The following STARD13 variants were observed in gnomAD, a reference collection of about 807,000 sequenced individuals.
STARD13 encodes stAR-related lipid transfer protein 13.
A neutral mutation model predicts 106.4 loss-of-function variants in STARD13; 62 were observed. The ratio of observed to expected loss-of-function variants is 0.58; its 90% CI spans 0.48 to 0.72. STARD13 has a LOEUF of 0.72. Among genes scored for constraint, STARD13 ranks in the 30% least tolerant of loss-of-function variants. The probability of loss-of-function intolerance (pLI) is 0.00; values close to 1 mark genes in which losing one functional copy is unlikely to be tolerated. For missense variants in STARD13, 1,387 were observed against 1,424.0 expected, an observed-to-expected ratio of 0.97 and a Z score of 0.42; for synonymous variants, 565 against 553.0, an observed-to-expected ratio of 1.02 and a Z score of -0.31.
chr13:33,316,721 T>A (rs1893354323), intron 1 of STARD13, among the ~76,000 whole-genome samples: 1 of 152,198 alleles, frequency 6.6e-6, no homozygotes, highest in African/African-American at 2.4e-5. Flanking sequence ...CTTGAGCATG[T>A]ACTACAGCAC....
At chr13:33,242,381 G>A (rs1014547009) in intron 1 of STARD13, among the ~76,000 whole-genome samples, 10 of 152,194 alleles carry the variant, frequency 6.6e-5, no homozygotes, top group African/African-American at 1.9e-4. Context: ...GTAGACATAG[G>A]AGACTCCATT....
chr13:33,159,444 T>A lies in STARD13; in HGVS notation c.323+5893A>T, dbSNP rs533136491. 2.1e-3 allele frequency among the ~76,000 whole-genome samples: 325 copies of A among 152,358 alleles called. 2 individuals carry two copies. The highest frequency in any genetic ancestry group is 6.8e-3 in the African/African-American group (282 of 41,592). Reference sequence around the variant, plus strand: ...AGTGGATAAGGATTCAACACCCACATGTTTGAGAGTCAAAGCTTGGCCCGC... The same window carrying A: ...AGTGGATAAGGATTCAACACCCACAAGTTTGAGAGTCAAAGCTTGGCCCGC... On this transcript the variant is annotated intron_variant, in intron 3 of 13. Transcript: ENST00000336934.
chr13:33,255,101 C>CA (rs1186233579), intron 1 of STARD13, among the ~76,000 whole-genome samples: 1 of 143,264 alleles, frequency 7.0e-6, no homozygotes, highest in Non-Finnish European at 1.6e-5. Context: ...TGTGTGCTCC[C>CA]CCCCCCCTCA....
chr13:33,605,647 G>T, the STARD13 span, among the ~76,000 whole-genome samples: 2 of 152,084 alleles, frequency 1.3e-5, no homozygotes, highest in Middle Eastern at 3.2e-3. Flanking sequence ...GAATAGCGCT[G>T]TTCTAGGAAA....
intron 1 of STARD13, among the ~76,000 whole-genome samples, chr13:33,210,519 G>T (rs148327642): frequency 3.9e-5 from 6 of 152,146 alleles, no homozygotes; most frequent in African/African-American, 1.4e-4. Flanking sequence ...GATTTAGTGC[G>T]TTAATGTACA....
chr13:33,584,814 G>A, the STARD13 span, among the ~76,000 whole-genome samples: 11 of 151,738 alleles, frequency 7.2e-5, 1 homozygote, highest in Admixed American at 7.2e-4. Flanking sequence ...CCTTGGTGCT[G>A]TCCTCATGAT....
At chr13:33,291,487 T>G (rs193267582) in intron 1 of STARD13, among the ~76,000 whole-genome samples, 1 of 152,312 alleles carries the variant, frequency 6.6e-6, no homozygotes, top group African/African-American at 2.4e-5. Flanking sequence ...GTACACTGTG[T>G]GCATATTTCC....
the STARD13 span, among the ~76,000 whole-genome samples, chr13:33,522,516 A>C: frequency 2.0e-5 from 3 of 152,122 alleles, no homozygotes; most frequent in African/African-American, 4.8e-5. Flanking sequence ...TCATTCCCCC[A>C]AAAATCTTCC....
the STARD13 span, among the ~76,000 whole-genome samples, chr13:33,534,347 T>C: frequency 2.1e-4 from 32 of 152,208 alleles, no homozygotes; most frequent in Non-Finnish European, 2.9e-4. Flanking sequence ...GGATGATGCA[T>C]TGCTCTGTGT....
At chr13:33,309,824 C>T (rs941572545) in intron 1 of STARD13, among the ~76,000 whole-genome samples, 1 of 152,142 alleles carries the variant, frequency 6.6e-6, no homozygotes, top group Admixed American at 6.5e-5. Flanking sequence ...TCTTCTGAGT[C>T]AAAGGTTTAC....
At chr13:33,491,388 T>A in the STARD13 span, among the ~76,000 whole-genome samples, 2 of 152,222 alleles carry the variant, frequency 1.3e-5, no homozygotes, top group Non-Finnish European at 2.9e-5. Context: ...TCCCAAATCA[T>A]GTATTAGGAG....
intron 1 of STARD13, among the ~76,000 whole-genome samples, chr13:33,180,877 AC>A (rs1885162798): frequency 6.6e-6 from 1 of 152,206 alleles, no homozygotes; most frequent in South Asian, 2.1e-4. Context: ...CGTCCTTGAA[AC>A]TTTTGCTTCT....
the STARD13 span, among the ~76,000 whole-genome samples, chr13:33,509,218 A>G: frequency 2.0e-5 from 3 of 152,106 alleles, no homozygotes; most frequent in African/African-American, 7.2e-5. Flanking sequence ...GAAAGGAACG[A>G]CCTTCAGCCT....
chr13:33,299,810 A>G (rs1892642393), intron 1 of STARD13, among the ~76,000 whole-genome samples: 1 of 152,230 alleles, frequency 6.6e-6, no homozygotes, highest in Non-Finnish European at 1.5e-5. Flanking sequence ...GAATGCATCA[A>G]TGCATAAAAC....
intron 1 of STARD13, among the ~76,000 whole-genome samples, chr13:33,252,107 A>G (rs1282724606): frequency 6.6e-6 from 1 of 152,246 alleles, no homozygotes; most frequent in African/African-American, 2.4e-5. Flanking sequence ...CTCTGGCACT[A>G]AAAAGGAAAG....
At chr13:33,632,388 T>C in the STARD13 span, among the ~76,000 whole-genome samples, 1 of 152,172 alleles carries the variant, frequency 6.6e-6, no homozygotes, top group Non-Finnish European at 1.5e-5. Context: ...TCTTCCAGAA[T>C]TATATAGTTA....
chr13:33,241,447 G>T (rs1889489245), intron 1 of STARD13, among the ~76,000 whole-genome samples: 1 of 152,112 alleles, frequency 6.6e-6, no homozygotes, highest in Non-Finnish European at 1.5e-5. Context: ...CTATGATAAA[G>T]CAGTTTTAGT....
intron 5 of STARD13, 80 bp downstream of exon 5, chr13:33,128,849 G>T: frequency 1.4e-6 from 2 of 1,407,902 alleles, no homozygotes; most frequent in Non-Finnish European, 1.9e-6. Context: ...AGTACTCTGT[G>T]TATGTTTGTT....
chr13:33,545,466 G>C, the STARD13 span, among the ~76,000 whole-genome samples: 2 of 152,238 alleles, frequency 1.3e-5, no homozygotes, highest in Admixed American at 1.3e-4. Flanking sequence ...AGGCAGAGAA[G>C]ATGTAAAGGA....
Sources: gnomAD v4.1 joint callset for allele counts (sites outside exome capture counted in the v4.1 genomes callset) on GRCh38, gnomAD v4.1.1 for gene constraint, MANE v1.5 for transcripts, NCBI Gene and HGNC (gene_info 2026-07-23, HGNC 2026-07-21) for gene names.